QTMAN: variants seen among roughly 807,000 people sequenced by gnomAD.
The protein encoded by QTMAN is tRNA-queuosine alpha-mannosyltransferase.
the QTMAN span, among the ~76,000 whole-genome samples, chr2:144,273,673 A>G: frequency 2.6e-5 from 4 of 152,202 alleles, no homozygotes; most frequent in Non-Finnish European, 4.4e-5. Context: ...AGTAAAACAT[A>G]TGACAAGGAC....
At chr2:144,234,215 CCACAGA>C in the QTMAN span, among the ~76,000 whole-genome samples, 1 of 151,982 alleles carries the variant, frequency 6.6e-6, no homozygotes, top group Non-Finnish European at 1.5e-5. Context: ...GAAAAAGTTG[CCACAGA>C]CACAAACAGG....
the QTMAN span, among the ~76,000 whole-genome samples, chr2:144,041,551 T>C: frequency 6.6e-6 from 1 of 152,236 alleles, no homozygotes; most frequent in Non-Finnish European, 1.5e-5. Flanking sequence ...AATCATAATA[T>C]AGGACAAATT....
chr2:144,125,286 T>A, the QTMAN span, among the ~76,000 whole-genome samples: 29 of 152,130 alleles, frequency 1.9e-4, no homozygotes, highest in South Asian at 6.0e-3. Context: ...CATACATTTA[T>A]GATTTGAAGA....
the QTMAN span, among the ~76,000 whole-genome samples, chr2:143,979,529 A>G: frequency 5.9e-5 from 9 of 152,366 alleles, no homozygotes; most frequent in South Asian, 2.1e-4. Flanking sequence ...CCATTCCTCA[A>G]GTGTAACCGC....
At chr2:144,204,887 G>T in the QTMAN span, among the ~76,000 whole-genome samples, 3 of 150,518 alleles carry the variant, frequency 2.0e-5, no homozygotes, top group African/African-American at 7.3e-5. Flanking sequence ...GCAAACTATT[G>T]CAAGGACAAA....
At chr2:144,308,947 T>C in the QTMAN span, among the ~76,000 whole-genome samples, 10 of 152,336 alleles carry the variant, frequency 6.6e-5, no homozygotes, top group African/African-American at 2.2e-4. Context: ...TCCAACGTTT[T>C]TTAATGGACA....
chr2:144,288,072 T>C, the QTMAN span, among the ~76,000 whole-genome samples: 3 of 152,074 alleles, frequency 2.0e-5, no homozygotes, highest in Non-Finnish European at 2.9e-5. Flanking sequence ...GGTTTCACTA[T>C]GTTGGCCAGG....
chr2:144,131,988 C>T, the QTMAN span, among the ~76,000 whole-genome samples: 1 of 151,776 alleles, frequency 6.6e-6, no homozygotes, highest in Non-Finnish European at 1.5e-5. Flanking sequence ...TAGTGCCCAG[C>T]TCAAATGCCA....
the QTMAN span, among the ~76,000 whole-genome samples, chr2:144,304,279 CTATAG>C: frequency 6.6e-6 from 1 of 152,138 alleles, no homozygotes; most frequent in Non-Finnish European, 1.5e-5. Flanking sequence ...TTTACCTCCT[CTATAG>C]TAAAGGATAC....
At chr2:144,175,087 T>C in the QTMAN span, among the ~76,000 whole-genome samples, 38 of 151,896 alleles carry the variant, frequency 2.5e-4, no homozygotes, top group South Asian at 5.0e-3. Context: ...TAGGTGGGAG[T>C]CTTTGGATAC....
At chr2:144,207,643 G>A in the QTMAN span, among the ~76,000 whole-genome samples, 2 of 152,024 alleles carry the variant, frequency 1.3e-5, no homozygotes, top group Non-Finnish European at 2.9e-5. Context: ...TAAACGGCAA[G>A]AACATCAGCT....
the QTMAN span, chr2:144,007,110 A>G: frequency 5.7e-6 from 5 of 881,432 alleles, no homozygotes; most frequent in African/African-American, 8.5e-5. Context: ...ACAAATTATT[A>G]TGTCAATCAA....
chr2:143,990,478 G>T, the QTMAN span, among the ~76,000 whole-genome samples: 1 of 152,176 alleles, frequency 6.6e-6, no homozygotes, highest in South Asian at 2.1e-4. Context: ...GTTTAAGTTT[G>T]CACTGAGAAA....
the QTMAN span, among the ~76,000 whole-genome samples, chr2:143,999,832 T>C: frequency 6.6e-6 from 1 of 152,090 alleles, no homozygotes; most frequent in Non-Finnish European, 1.5e-5. Context: ...ACAAAACAAA[T>C]CATGCTTAGT....
At chr2:144,107,662 T>G in the QTMAN span, among the ~76,000 whole-genome samples, 1 of 152,218 alleles carries the variant, frequency 6.6e-6, no homozygotes, top group Non-Finnish European at 1.5e-5. Context: ...CACAGCCGAA[T>G]TCTACCAGAG....
At chr2:144,283,687 C>T in the QTMAN span, among the ~76,000 whole-genome samples, 290 of 152,140 alleles carry the variant, frequency 1.9e-3, 1 homozygote, top group African/African-American at 6.5e-3. Context: ...AATATAGTTA[C>T]TTGAAGTTTG....
chr2:143,998,434 G>A, the QTMAN span, among the ~76,000 whole-genome samples: 2 of 147,226 alleles, frequency 1.4e-5, no homozygotes, highest in Non-Finnish European at 3.0e-5. Context: ...GACGACAGAA[G>A]GGGGGGGAAA....
the QTMAN span, among the ~76,000 whole-genome samples, chr2:143,973,150 A>G: frequency 3.3e-5 from 5 of 152,104 alleles, no homozygotes; most frequent in East Asian, 7.7e-4. Context: ...TAGTTGGGGA[A>G]AAGATTTCCA....
chr2:144,274,805 A>T, the QTMAN span, among the ~76,000 whole-genome samples: 1 of 152,124 alleles, frequency 6.6e-6, no homozygotes, highest in African/African-American at 2.4e-5. Flanking sequence ...CCTGAGGAGG[A>T]GGTCATGGGA....
Sources: gnomAD v4.1 joint callset for allele counts (sites outside exome capture counted in the v4.1 genomes callset) on GRCh38, gnomAD v4.1.1 for gene constraint, MANE v1.5 for transcripts, NCBI Gene and HGNC (gene_info 2026-07-23, HGNC 2026-07-21) for gene names.